The following GPD1L variants were observed in gnomAD, a reference collection of about 807,000 sequenced individuals.
GPD1L encodes glycerol-3-phosphate dehydrogenase 1-like protein.
In GPD1L, 17 loss-of-function variants were observed where a neutral mutation model predicts 32.9. The observed-to-expected ratio is 0.52, with a 90% CI of 0.35 to 0.78. The LOEUF (loss-of-function observed/expected upper bound fraction) is 0.78. GPD1L is among the 30% of genes least tolerant of loss of function. The probability of loss-of-function intolerance (pLI) is 0.01; values close to 1 mark genes in which losing one functional copy is unlikely to be tolerated. For missense variants in GPD1L, 361 were observed against 447.8 expected (o/e 0.81, Z 1.75); for synonymous variants, 187 against 165.9 (o/e 1.13, Z -0.98).
Position 32,146,730 on chromosome 3 carries a change from T to C in GPD1L, c.614T>C (p.Leu205Pro), listed in dbSNP as rs1700832525. The change falls in exon 5 of 8, where the codon CTT becomes CCT. Residue 205 changes from leucine (L) to proline (P), a missense_variant. Physicochemically the swap from Leu to Pro is moderately conservative, Grantham distance 98. Transcript: ENST00000282541. ...DADTVELCGALKNIVAVGAGF... is the reference protein window; with the variant it reads ...DADTVELCGAPKNIVAVGAGF... ...GACACTGTTGAACTCTGTGGTGCGCTTAAGGTAAAGTCAGCCTCAGGGGAG... is the reference window on the plus strand; with the variant it reads ...GACACTGTTGAACTCTGTGGTGCGCCTAAGGTAAAGTCAGCCTCAGGGGAG... 1.3e-6 allele frequency: 2 copies of C among 1,594,106 alleles called. No individual in the cohort carries two copies. Among genetic ancestry groups the C allele is most frequent in the African/African-American group, 1.3e-5 (1 of 74,168 alleles).
chr3:32,140,592 C>T (rs779324263), intron 4 of GPD1L, among the ~76,000 whole-genome samples: 6 of 152,150 alleles, frequency 3.9e-5, no homozygotes, highest in Admixed American at 6.5e-5. Context: ...CCAAGAAGAG[C>T]ATTCTGACTT....
chr3:32,158,811 CCT>C, intron 5 of GPD1L, 63 bp from the exon 6 acceptor site: 1 of 1,578,066 alleles, frequency 6.3e-7, no homozygotes, highest in South Asian at 1.1e-5. Flanking sequence ...TCCCCCACCA[CCT>C]CTGGCATCCA....
intron 4 of GPD1L, among the ~76,000 whole-genome samples, chr3:32,142,909 A>G (rs954235674): frequency 1.3e-5 from 2 of 152,212 alleles, no homozygotes; most frequent in African/African-American, 2.4e-5. Context: ...TAAATTAAGT[A>G]AAGCATTTCT....
At chr3:32,146,279 G>C (rs957923017) in intron 4 of GPD1L, among the ~76,000 whole-genome samples, 14 of 151,590 alleles carry the variant, frequency 9.2e-5, no homozygotes, top group Admixed American at 2.6e-4. Flanking sequence ...GTAGAGATGG[G>C]GTTTCACCAT....
At chr3:32,165,169 G>A (rs184989029) in intron 7 of GPD1L, among the ~76,000 whole-genome samples, 23 of 152,142 alleles carry the variant, frequency 1.5e-4, no homozygotes, top group East Asian at 3.9e-4. Context: ...TCATGCCACC[G>A]CACTCCAGCC....
At chr3:32,148,322 T>C (rs908769196) in intron 5 of GPD1L, among the ~76,000 whole-genome samples, 1 of 152,206 alleles carries the variant, frequency 6.6e-6, no homozygotes, top group African/African-American at 2.4e-5. Flanking sequence ...GAACCCATGC[T>C]GGTCTTGTGT....
chr3:32,107,020 G>C (rs1387364169), intron 1 of GPD1L, among the ~76,000 whole-genome samples: 2 of 152,206 alleles, frequency 1.3e-5, no homozygotes, highest in Non-Finnish European at 2.9e-5. Flanking sequence ...ACCTGTCTGC[G>C]CCCCCGTTAC....
At chr3:32,131,394 T>C (rs541211147) in intron 2 of GPD1L, among the ~76,000 whole-genome samples, 11 of 152,356 alleles carry the variant, frequency 7.2e-5, no homozygotes, top group African/African-American at 2.4e-4. Context: ...CCTTTCATAG[T>C]CACCTCCTGT....
intron 1 of GPD1L, among the ~76,000 whole-genome samples, chr3:32,120,437 G>A (rs2125473148): frequency 6.6e-6 from 1 of 152,342 alleles, no homozygotes; most frequent in African/African-American, 2.4e-5. Flanking sequence ...TAGGATTTCA[G>A]CATGTTTCTA....
intron 7 of GPD1L, among the ~76,000 whole-genome samples, chr3:32,164,885 C>G (rs1311591545): frequency 7.3e-6 from 1 of 137,654 alleles, no homozygotes; most frequent in Non-Finnish European, 1.5e-5. Flanking sequence ...TTCTGCCAAG[C>G]TCACTTTGAG....
chr3:32,166,481 C>T lies in GPD1L; in HGVS notation c.*571C>T, dbSNP rs757146653. 3.5e-4 allele frequency: 56 copies of T among 158,438 alleles called. No homozygotes were observed. Among genetic ancestry groups the T allele is most frequent in the Non-Finnish European group, 6.5e-4 (47 of 72,030 alleles). 9.8% of individuals were successfully genotyped at this position (158,438 alleles called of 1,614,324 possible). A position where few individuals can be genotyped will look rare whatever the true frequency, so the allele number is the denominator to read the frequency against. ...AATTAGATAATCCACTCATGTATTT[C>T]CCCCTCACTGCAGTTGTCTGCATTT... is the stretch of plus-strand genomic sequence containing the variant. On this transcript the variant is annotated 3_prime_UTR_variant, in exon 8 of 8. Transcript: ENST00000282541.
intron 4 of GPD1L, among the ~76,000 whole-genome samples, chr3:32,142,645 G>A (rs943693121): frequency 2.6e-5 from 4 of 152,006 alleles, no homozygotes; most frequent in Non-Finnish European, 5.9e-5. Flanking sequence ...AATCCTATTT[G>A]CCAATAATCC....
At chr3:32,163,225 G>A (rs1701096673) in intron 7 of GPD1L, among the ~76,000 whole-genome samples, 1 of 134,182 alleles carries the variant, frequency 7.5e-6, no homozygotes, top group Admixed American at 8.3e-5. Flanking sequence ...CTGGAGTGCA[G>A]TGGCACGATC....
chr3:32,128,068 T>TTTTG lies in GPD1L; in HGVS notation c.48-6_48-3dup, dbSNP rs1553658254. ...TTATGTTTTTCTTTTCCACGATTTC[T>TTTTG]TTTGTAGGGGTTCAGCTGTTGCAAA... On this transcript the variant is annotated splice_region_variant and splice_polypyrimidine_tract_variant and intron_variant, in intron 1 of 7. Coordinates refer to ENST00000282541, the MANE Select transcript of GPD1L (RefSeq NM_015141.4). The TTTTG allele has an allele frequency of 6.2e-7, 1 of 1,602,652 alleles. No individual in the cohort carries two copies. The highest frequency in any genetic ancestry group is 1.7e-5 in the Admixed American group (1 of 59,984).
At chr3:32,137,377 T>A (rs549672820) in intron 2 of GPD1L, among the ~76,000 whole-genome samples, 2 of 152,366 alleles carry the variant, frequency 1.3e-5, no homozygotes, top group East Asian at 3.9e-4. Flanking sequence ...TCCACTGTTC[T>A]GCCATCTCGG....
chr3:32,143,993 A>G (rs972215703), intron 4 of GPD1L, among the ~76,000 whole-genome samples: 1 of 152,114 alleles, frequency 6.6e-6, no homozygotes, highest in Non-Finnish European at 1.5e-5. Context: ...AAAAATCAAA[A>G]AGGAGACATG....
chr3:32,162,715 A>G (rs1701088803), intron 7 of GPD1L, among the ~76,000 whole-genome samples: 1 of 152,072 alleles, frequency 6.6e-6, no homozygotes, highest in Non-Finnish European at 1.5e-5. Context: ...ACCTAAGCAT[A>G]TTAATTGGGA....
At chr3:32,132,215 C>G (rs1055644081) in intron 2 of GPD1L, among the ~76,000 whole-genome samples, 1 of 152,144 alleles carries the variant, frequency 6.6e-6, no homozygotes, top group Admixed American at 6.5e-5. Flanking sequence ...CCAATGTTTA[C>G]CTTTTTACTC....
chr3:32,156,440 C>G (rs1031105305), intron 5 of GPD1L, among the ~76,000 whole-genome samples: 1 of 152,128 alleles, frequency 6.6e-6, no homozygotes, highest in African/African-American at 2.4e-5. Context: ...AAGCAGCAAC[C>G]GCAGTAAGCT....
Sources: gnomAD v4.1 joint callset for allele counts (sites outside exome capture counted in the v4.1 genomes callset) on GRCh38, gnomAD v4.1.1 for gene constraint, MANE v1.5 for transcripts, NCBI Gene and HGNC (gene_info 2026-07-23, HGNC 2026-07-21) for gene names.